Variants in RASSF3 observed in about 807,000 individuals in gnomAD.
The protein encoded by RASSF3 is ras association domain-containing protein 3.
RASSF3 carries 19 observed loss-of-function variants against 19.9 expected under a neutral mutation model. The ratio of observed to expected loss-of-function variants is 0.96; its 90% CI spans 0.67 to 1.40. The LOEUF (loss-of-function observed/expected upper bound fraction) is 1.40, where lower values mean the gene tolerates loss of function less well. Ranked by LOEUF, RASSF3 falls within the 40% of genes most tolerant of loss-of-function variation. The pLI, the probability that RASSF3 is intolerant of heterozygous loss-of-function variation, is 0.00. For missense variants in RASSF3, 306 were observed against 289.8 expected (o/e 1.06, Z -0.41); for synonymous variants, 110 against 104.2 (o/e 1.06, Z -0.34).
At position 64,696,353 on chromosome 12, in the gene RASSF3, C is replaced by A. The variant is rs149093363; in HGVS notation, c.*1441C>A. On this transcript the variant is annotated 3_prime_UTR_variant, in exon 5 of 5. Transcript: ENST00000542104. ...TTTTAACAAAAGTACATGTTATTAC[C>A]AACCAAAGAGATGCATGTGCAATAG... is the stretch of plus-strand genomic sequence containing the variant. 1 of 152,022 alleles carries A rather than the reference C, an allele frequency of 6.6e-6. No homozygotes were observed. The highest frequency in any genetic ancestry group is 6.6e-5 in the Admixed American group (1 of 15,264). The allele number at this position is 152,022 out of a possible 1,614,324, so 9.4% of individuals were successfully genotyped here.
intron 3 of RASSF3, among the ~76,000 whole-genome samples, chr12:64,689,002 C>T (rs923215287): frequency 1.3e-5 from 2 of 152,152 alleles, no homozygotes; most frequent in Non-Finnish European, 2.9e-5. Context: ...CATTTTGGTA[C>T]TCTGTCCCCC....
At position 64,558,211 on chromosome 12, in the gene RASSF3, C is replaced by A. The variant is rs1053851831; in HGVS notation, c.294+16506C>A. On this transcript the variant is annotated intron_variant, in intron 2 of 5. Coordinates refer to the RASSF3 transcript ENST00000637125. ...ATCAGCCTTGATATGTGAGAGTTCA[C>A]GCATTGGGATGATGCCTGGGCTCCA... Among the ~76,000 whole-genome samples, 3 of 152,156 alleles carry A rather than the reference C, an allele frequency of 2.0e-5. No homozygotes were observed. In the South Asian group the frequency reaches 6.2e-4, roughly 31 times the overall value.
At chr12:64,675,439 T>C (rs187178822) in intron 1 of RASSF3, among the ~76,000 whole-genome samples, 1 of 152,248 alleles carries the variant, frequency 6.6e-6, no homozygotes, top group Admixed American at 6.5e-5. Flanking sequence ...CATGAGCCAC[T>C]GTGCCCGGCC....
At chr12:64,638,964 G>C (rs11175486) in intron 1 of RASSF3, among the ~76,000 whole-genome samples, 21,606 of 151,948 alleles carry the variant, frequency 0.14, 2,233 homozygotes, top group African/African-American at 0.3. Flanking sequence ...CATCTTTATG[G>C]ATCTCCTTTT....
intron 2 of RASSF3, among the ~76,000 whole-genome samples, chr12:64,550,339 A>G (rs910541713): frequency 6.6e-6 from 1 of 152,030 alleles, no homozygotes; most frequent in African/African-American, 2.4e-5. Context: ...AGAGGAGAGG[A>G]GAAAGAAAAG....
intron 1 of RASSF3, among the ~76,000 whole-genome samples, chr12:64,523,088 C>T (rs1592388031): frequency 6.6e-6 from 1 of 152,156 alleles, no homozygotes; most frequent in Non-Finnish European, 1.5e-5. Context: ...TTCTGGAATG[C>T]TTTCTCTGTT....
At chr12:64,512,614 G>A (rs541227016) in intron 1 of RASSF3, among the ~76,000 whole-genome samples, 28 of 152,200 alleles carry the variant, frequency 1.8e-4, no homozygotes, top group Admixed American at 1.1e-3. Flanking sequence ...ATGGTTTAAC[G>A]ATAACTCAGA....
intron 1 of RASSF3, among the ~76,000 whole-genome samples, chr12:64,620,366 C>A (rs1326321117): frequency 6.6e-6 from 1 of 152,128 alleles, no homozygotes; most frequent in African/African-American, 2.4e-5. Context: ...AGGATTGCTT[C>A]CACCTTTTGG....
At chr12:64,554,205 G>A (rs529842039) in intron 2 of RASSF3, among the ~76,000 whole-genome samples, 26 of 152,258 alleles carry the variant, frequency 1.7e-4, no homozygotes, top group African/African-American at 6.0e-4. Flanking sequence ...AAGGTTCAGG[G>A]TCAATGCTGT....
At chr12:64,622,460 T>C in intron 1 of RASSF3, 1 of 530,444 alleles carries the variant, frequency 1.9e-6, no homozygotes, top group Admixed American at 2.0e-5. Context: ...ACTGTTTACT[T>C]ATAGGCTTAC....
chr12:64,537,062 C>T (rs1442086865), intron 1 of RASSF3, among the ~76,000 whole-genome samples: 1 of 152,212 alleles, frequency 6.6e-6, no homozygotes, highest in Non-Finnish European at 1.5e-5. Flanking sequence ...ACATTGCTGA[C>T]CAATTGTTTT....
In RASSF3 at chr12:64,597,074, A is replaced by AT. The variant is rs370114370; in HGVS notation, c.294+55378dup. Among the ~76,000 whole-genome samples the AT allele has an allele frequency of 7.6e-4, 115 of 150,848 alleles. 1 individual carries two copies. Among genetic ancestry groups the AT allele is most frequent in the Non-Finnish European group, 9.9e-4 (67 of 67,604 alleles). On this transcript the variant is annotated intron_variant, in intron 2 of 5. Transcript: ENST00000637125. ...GAGCCACCGCACCCAGCCTCAGTGT[A>AT]TTTTTTTTTAACACGTTGGCCTTCA...
Position 64,696,768 on chromosome 12 carries a change from A to G in RASSF3, c.*1856A>G, listed in dbSNP as rs1212452996. ...AAAGTTGAAAAAAATAGAATTAGCT[A>G]TAAAATATGTATGGCACATCTTGTT... On this transcript the variant is annotated 3_prime_UTR_variant, in exon 5 of 5. Transcript: ENST00000542104. The G allele has an allele frequency of 6.6e-6, 1 of 152,210 alleles. No individual in the cohort carries two copies. Among genetic ancestry groups the G allele is most frequent in the Non-Finnish European group, 1.5e-5 (1 of 68,042 alleles). 9.4% of individuals were successfully genotyped at this position (152,210 alleles called of 1,614,324 possible). A position where few individuals can be genotyped will look rare whatever the true frequency, so the allele number is the denominator to read the frequency against.
intron 2 of RASSF3, among the ~76,000 whole-genome samples, chr12:64,602,973 C>T (rs1204205247): frequency 6.6e-6 from 1 of 152,098 alleles, no homozygotes; most frequent in East Asian, 1.9e-4. Context: ...GTGGCAGGCA[C>T]CTGTAATCCC....
At chr12:64,593,378 T>C (rs187917135) in intron 2 of RASSF3, among the ~76,000 whole-genome samples, 5 of 152,260 alleles carry the variant, frequency 3.3e-5, no homozygotes, top group Non-Finnish European at 5.9e-5. Context: ...CATAACACCA[T>C]GCCTGGCTAA....
chr12:64,539,325 C>G (rs1367741070), intron 1 of RASSF3, among the ~76,000 whole-genome samples: 1 of 152,118 alleles, frequency 6.6e-6, no homozygotes, highest in East Asian at 1.9e-4. Flanking sequence ...CCCTGATGGC[C>G]TCATCTAATC....
intron 2 of RASSF3, among the ~76,000 whole-genome samples, chr12:64,576,300 A>C (rs145357061): frequency 8.5e-5 from 13 of 152,172 alleles, no homozygotes; most frequent in African/African-American, 3.1e-4. Context: ...GGTCTTTTTA[A>C]TAAATCCTTC....
At chr12:64,529,986 T>C (rs1020590944), upstream of RASSF3, among the ~76,000 whole-genome samples, 139 of 152,246 alleles carry the variant, frequency 9.1e-4, no homozygotes, top group African/African-American at 3.2e-3. Context: ...TCTACCAACC[T>C]ACTCCCATCT....
chr12:64,583,724 C>G (rs1211922847), intron 2 of RASSF3, among the ~76,000 whole-genome samples: 2 of 152,178 alleles, frequency 1.3e-5, no homozygotes, highest in African/African-American at 4.8e-5. Flanking sequence ...CCATCCAACT[C>G]CTCCACCCTA....
Sources: allele counts gnomAD v4.1 joint callset (sites outside exome capture counted in the v4.1 genomes callset), GRCh38; gene constraint gnomAD v4.1.1; transcripts MANE v1.5; gene names NCBI Gene and HGNC (gene_info 2026-07-23, HGNC 2026-07-21).